Variants in PTPRN2 observed in about 807,000 individuals in gnomAD.
PTPRN2 encodes receptor-type tyrosine-protein phosphatase N2.
In PTPRN2, 74 loss-of-function variants were observed where a neutral mutation model predicts 118.8. The ratio of observed to expected loss-of-function variants is 0.62; its 90% CI spans 0.52 to 0.76. PTPRN2 has a LOEUF of 0.76. Ranked by LOEUF, PTPRN2 falls within the 30% of genes least tolerant of loss-of-function variation. The pLI is 0.00. For missense variants in PTPRN2, 1,481 were observed against 1,394.4 expected (o/e 1.06, Z -0.99); for synonymous variants, 641 against 608.0 (o/e 1.05, Z -0.80).
intron 2 of PTPRN2, among the ~76,000 whole-genome samples, chr7:158,344,750 T>G (rs1007779361): frequency 2.0e-5 from 3 of 151,962 alleles, no homozygotes; most frequent in Admixed American, 6.5e-5. Context: ...CGATTTGCAA[T>G]GTGCAGGAAC....
chr7:157,913,434 C>G (rs1164640840), intron 11 of PTPRN2, among the ~76,000 whole-genome samples: 1 of 152,186 alleles, frequency 6.6e-6, no homozygotes, highest in Non-Finnish European at 1.5e-5. Flanking sequence ...ACGGATCCTC[C>G]TACAAATGCT....
At chr7:158,468,843 C>CCA (rs1304092727) in intron 2 of PTPRN2, among the ~76,000 whole-genome samples, 2 of 121,774 alleles carry the variant, frequency 1.6e-5, no homozygotes, top group Non-Finnish European at 1.8e-5. Context: ...ATGTGCACAC[C>CCA]CACACACTCC....
chr7:158,143,718 T>C (rs1400869749), intron 6 of PTPRN2, among the ~76,000 whole-genome samples: 3 of 152,138 alleles, frequency 2.0e-5, no homozygotes, highest in Admixed American at 6.5e-5. Context: ...GCAAAGTCCA[T>C]TATTTCTGAT....
In PTPRN2 at chr7:158,233,865, T is replaced by C. The variant is rs1411443703; in HGVS notation, c.278-28592A>G. Among the ~76,000 whole-genome samples the C allele has an allele frequency of 5.3e-5, 8 of 152,290 alleles. No individual in the cohort carries two copies. The East Asian group carries it at 1.5e-3, about 29-fold the overall frequency. On this transcript the variant is annotated intron_variant, in intron 3 of 22. Coordinates refer to ENST00000389418, the MANE Select transcript of PTPRN2 (RefSeq NM_002847.5). ...TCACAAAGGCACCAAGAGCAGATAT[T>C]GGGGAAAGGACAATCTCTTCAATAA...
At position 158,058,493 on chromosome 7, in the gene PTPRN2, A is replaced by G. The variant is rs1418477153; in HGVS notation, c.1723+22805T>C. 6.5e-5 allele frequency among the ~76,000 whole-genome samples: 5 copies of G among 77,444 alleles called. 1 individual carries two copies. Among genetic ancestry groups the G allele is most frequent in the African/African-American group, 2.7e-4 (4 of 14,660 alleles). The allele number at this position is 77,444 out of a possible 152,430, so 50.8% of individuals were successfully genotyped here. A position where few individuals can be genotyped will look rare whatever the true frequency, so the allele number is the denominator to read the frequency against. On this transcript the variant is annotated intron_variant, in intron 11 of 22. Transcript: ENST00000389418. ...CACAGTGACGCATCACTGCAGCCAC[A>G]CTCCATCTGCACACGGTGAGACATC...
intron 2 of PTPRN2, among the ~76,000 whole-genome samples, chr7:158,392,742 G>A (rs747864113): frequency 4.6e-5 from 7 of 152,178 alleles, no homozygotes; most frequent in South Asian, 2.1e-4. Flanking sequence ...AAGCCAAGCC[G>A]GAGCCTCGCC....
chr7:157,699,879 G>C (rs908448358), intron 12 of PTPRN2, among the ~76,000 whole-genome samples: 22 of 152,346 alleles, frequency 1.4e-4, no homozygotes, highest in Admixed American at 1.4e-3. Context: ...GGTCAGTGCG[G>C]TGGGATGCAC....
intron 2 of PTPRN2, among the ~76,000 whole-genome samples, chr7:158,341,506 ACGT>A (rs1806780394): frequency 8.4e-6 from 1 of 119,418 alleles, no homozygotes; most frequent in African/African-American, 3.3e-5. Context: ...ACACGTGCAG[ACGT>A]CACTCACACC....
At chr7:157,776,246 T>TCTCCTCCTC (rs1554442517) in intron 12 of PTPRN2, among the ~76,000 whole-genome samples, 1 of 66,260 alleles carries the variant, frequency 1.5e-5, no homozygotes, top group African/African-American at 5.9e-5. Flanking sequence ...TCCTCCCTCC[T>TCTCCTCCTC]CTCCCTCTCC....
chr7:158,459,133 G>A (rs1321119525), intron 2 of PTPRN2, among the ~76,000 whole-genome samples: 2 of 152,200 alleles, frequency 1.3e-5, no homozygotes, highest in Non-Finnish European at 2.9e-5. Flanking sequence ...CACACGTGCT[G>A]ATGTCTCCAC....
At position 157,881,209 on chromosome 7, in the gene PTPRN2, GGGGTGTTT is replaced by G. The variant is rs1796102848; in HGVS notation, c.1788+17456_1788+17463del. ...GAGGTCATGAGGGTATGTGGAGATG[GGGGTGTTT>G]ACAGTAGTCATTATGGTAAAATGAG... On this transcript the variant is annotated intron_variant, in intron 12 of 22. Coordinates refer to ENST00000389418, the MANE Select transcript of PTPRN2 (RefSeq NM_002847.5). This position sits in a 1 kb window ranked among gnomAD's most constrained non-coding sequence, Gnocchi z 4.7. Among the ~76,000 whole-genome samples the G allele has an allele frequency of 6.8e-6, 1 of 147,350 alleles. No individual in the cohort carries two copies. Among genetic ancestry groups the G allele is most frequent in the African/African-American group, 2.6e-5 (1 of 38,624 alleles).
In PTPRN2 at chr7:157,550,184, A is replaced by G. The variant is rs978918317; in HGVS notation, c.2903-1165T>C. Among the ~76,000 whole-genome samples, 3 of 152,166 alleles carry G rather than the reference A, an allele frequency of 2.0e-5. No homozygotes were observed. The highest frequency in any genetic ancestry group is 2.9e-5 in the Non-Finnish European group (2 of 68,030). On this transcript the variant is annotated intron_variant, in intron 21 of 22. Transcript: ENST00000389418. This position sits in a 1 kb window ranked among gnomAD's most constrained non-coding sequence, Gnocchi z 5.2. ...AGCTTTAAAATTCCCGAGGTTCCTCAATTTCCTTTCCCTGTGGTTCTGTGG... is the reference window on the plus strand; with the variant it reads ...AGCTTTAAAATTCCCGAGGTTCCTCGATTTCCTTTCCCTGTGGTTCTGTGG...
chr7:158,060,816 G>A (rs1810273689), intron 11 of PTPRN2, among the ~76,000 whole-genome samples: 1 of 152,240 alleles, frequency 6.6e-6, no homozygotes, highest in Admixed American at 6.5e-5. Flanking sequence ...AAGAGACCAT[G>A]TAGGCCTTGC....
chr7:157,573,659 C>T (rs2150518842), intron 19 of PTPRN2, among the ~76,000 whole-genome samples: 1 of 152,352 alleles, frequency 6.6e-6, no homozygotes, highest in African/African-American at 2.4e-5. Context: ...TGGTCAGCTC[C>T]TGCTTTGGCA....
intron 2 of PTPRN2, among the ~76,000 whole-genome samples, chr7:158,340,861 C>CGTCACTCACACCCACACAT (rs1165948548): frequency 1.5e-4 from 13 of 86,148 alleles, no homozygotes; most frequent in Non-Finnish European, 2.5e-4. Flanking sequence ...CACATGCAGA[C>CGTCACTCACACCCACACAT]GTCACTCACA....
At chr7:157,937,362 C>T (rs924093994) in intron 11 of PTPRN2, among the ~76,000 whole-genome samples, 4 of 152,162 alleles carry the variant, frequency 2.6e-5, no homozygotes, top group Admixed American at 6.5e-5. Context: ...ACAGAATTTC[C>T]GTCTAACTGA....
At chr7:158,273,823 G>T (rs1282683635) in intron 3 of PTPRN2, among the ~76,000 whole-genome samples, 3 of 44,958 alleles carry the variant, frequency 6.7e-5, no homozygotes, top group Admixed American at 5.2e-4. Flanking sequence ...CCGCAGGCAT[G>T]GGGGAGCCGC....
chr7:157,991,822 G>A (rs983250767), intron 11 of PTPRN2, among the ~76,000 whole-genome samples: 2 of 151,574 alleles, frequency 1.3e-5, no homozygotes, highest in Non-Finnish European at 3.0e-5. Context: ...TGCACCCAAG[G>A]CTGGGGACCC....
chr7:158,327,221 G>A (rs573903096), intron 2 of PTPRN2, among the ~76,000 whole-genome samples: 11 of 146,810 alleles, frequency 7.5e-5, no homozygotes, highest in East Asian at 4.1e-4. Context: ...AAACACACAC[G>A]TAAACATTCT....
Sources: allele counts gnomAD v4.1 joint callset (sites outside exome capture counted in the v4.1 genomes callset), GRCh38; gene constraint gnomAD v4.1.1; non-coding constraint Gnocchi (gnomAD v3.1); transcripts MANE v1.5; gene names NCBI Gene and HGNC (gene_info 2026-07-23, HGNC 2026-07-21).